FAM117B: variants seen among roughly 807,000 people sequenced by gnomAD.
FAM117B encodes the protein family with sequence similarity 117 member B, also known as protein FAM117B.
Under a neutral mutation model 52.8 loss-of-function variants are expected in FAM117B, and 22 were observed. The ratio of observed to expected loss-of-function variants is 0.42; its 90% CI spans 0.30 to 0.59. FAM117B has a LOEUF of 0.59. Ranked by LOEUF, FAM117B falls within the 20% of genes least tolerant of loss-of-function variation. The pLI, the probability that FAM117B is intolerant of heterozygous loss-of-function variation, is 0.22. For missense variants in FAM117B, 678 were observed against 802.6 expected (o/e 0.84, Z 1.88); for synonymous variants, 309 against 324.1 (o/e 0.95, Z 0.50).
At chr2:202,678,710 C>T (rs1021421211) in intron 1 of FAM117B, among the ~76,000 whole-genome samples, 1 of 152,200 alleles carries the variant, frequency 6.6e-6, no homozygotes, top group Non-Finnish European at 1.5e-5. Flanking sequence ...GCATGCGCCA[C>T]CACGCCCAGC....
At chr2:202,708,357 A>G (rs1301605977) in intron 2 of FAM117B, among the ~76,000 whole-genome samples, 1 of 152,170 alleles carries the variant, frequency 6.6e-6, no homozygotes, top group Non-Finnish European at 1.5e-5. Flanking sequence ...ATTTAGTAGG[A>G]TGTCCTCACA....
At chr2:202,743,313 T>G (rs530678378) in intron 4 of FAM117B, among the ~76,000 whole-genome samples, 46 of 152,038 alleles carry the variant, frequency 3.0e-4, no homozygotes, top group African/African-American at 1.1e-3. Flanking sequence ...AGAAATCATA[T>G]AGAGACTACA....
chr2:202,725,454 G>A (rs933655023), intron 3 of FAM117B, among the ~76,000 whole-genome samples: 1 of 152,028 alleles, frequency 6.6e-6, no homozygotes, highest in Admixed American at 6.6e-5. Context: ...AAGTACCTGG[G>A]ACTGCAGGTG....
intron 2 of FAM117B, among the ~76,000 whole-genome samples, chr2:202,719,651 A>G (rs987149046): frequency 6.6e-6 from 1 of 152,160 alleles, no homozygotes; most frequent in Non-Finnish European, 1.5e-5. Context: ...TGTAAGATTG[A>G]TATAATACTG....
At chr2:202,707,299 C>T (rs754158109) in intron 2 of FAM117B, among the ~76,000 whole-genome samples, 186 of 152,042 alleles carry the variant, frequency 1.2e-3, no homozygotes, top group Non-Finnish European at 1.9e-3. Context: ...ATCCTCCTCC[C>T]TCAGCCTCCC....
chr2:202,659,330 GA>G (rs974967518), intron 1 of FAM117B, among the ~76,000 whole-genome samples: 9 of 151,792 alleles, frequency 5.9e-5, no homozygotes, highest in Non-Finnish European at 1.3e-4. Flanking sequence ...TTTCTTTTGA[GA>G]CAGAATCTCG....
rs34063266 is a variant in FAM117B, at chr2:202,724,051, C to CTTTTT, written c.754-846_754-842dup. Among the ~76,000 whole-genome samples the CTTTTT allele has an allele frequency of 9.6e-4, 86 of 89,776 alleles. 1 individual carries two copies. Among genetic ancestry groups the CTTTTT allele is most frequent in the African/African-American group, 2.3e-3 (49 of 21,532 alleles). The allele number at this position is 89,776 out of a possible 152,430, so 58.9% of individuals were successfully genotyped here. On this transcript the variant is annotated intron_variant, in intron 2 of 7. Coordinates refer to ENST00000392238, the MANE Select transcript of FAM117B (RefSeq NM_173511.4). ...TTTGGTATAACTACTTAAGGTTTAACTTTTTTTTTTTTTTTTTTTTTTTTG... is the reference window on the plus strand; with the variant it reads ...TTTGGTATAACTACTTAAGGTTTAACTTTTTTTTTTTTTTTTTTTTTTTTTTTTTG...
chr2:202,732,789 G>A (rs1293743407), intron 4 of FAM117B, among the ~76,000 whole-genome samples: 2 of 151,372 alleles, frequency 1.3e-5, no homozygotes, highest in African/African-American at 4.9e-5. Flanking sequence ...CCACTGCACT[G>A]CAGCCTGGGC....
chr2:202,715,529 C>T (rs1310688794), intron 2 of FAM117B, among the ~76,000 whole-genome samples: 4 of 151,848 alleles, frequency 2.6e-5, no homozygotes, highest in African/African-American at 9.7e-5. Context: ...CGATGGGCGG[C>T]CGGGCAGAGA....
At chr2:202,684,650 T>G (rs1471471307) in intron 1 of FAM117B, among the ~76,000 whole-genome samples, 1 of 151,984 alleles carries the variant, frequency 6.6e-6, no homozygotes, top group Admixed American at 6.5e-5. Flanking sequence ...TCTGGAGAAA[T>G]TAACATGTAT....
In FAM117B at chr2:202,724,977, G is replaced by C; in HGVS notation, c.814G>C (p.Ala272Pro). Residue 272 changes from alanine (A) to proline (P), a missense_variant, in exon 3 of 8, where the codon GCA becomes CCA. Around this residue, in one of 3 missense-constraint regions of FAM117B, gnomAD observed 583 missense variants for 644.8 expected, o/e 0.90. Coordinates refer to ENST00000392238, the MANE Select transcript of FAM117B (RefSeq NM_173511.4). ...GAAGAAAGGGTCTCACAAGCGCTCA[G>C]CATCTTGGGGCAGTACAGATCAACT... Reference protein sequence around the residue: ...EKKKGSHKRSASWGSTDQLKE... With the variant: ...EKKKGSHKRSPSWGSTDQLKE... 6.2e-7 allele frequency: 1 copy of C among 1,613,350 alleles called. No homozygotes were observed. The highest frequency in any genetic ancestry group is 8.5e-7 in the Non-Finnish European group (1 of 1,179,514).
intron 2 of FAM117B, among the ~76,000 whole-genome samples, chr2:202,724,614 A>G (rs1390450013): frequency 6.6e-6 from 1 of 152,190 alleles, no homozygotes; most frequent in East Asian, 1.9e-4. Context: ...TTAGTTAACT[A>G]TGGTAACTCT....
chr2:202,704,258 A>G (rs1251326343), intron 2 of FAM117B, among the ~76,000 whole-genome samples: 1 of 152,230 alleles, frequency 6.6e-6, no homozygotes, highest in Non-Finnish European at 1.5e-5. Context: ...GTAAGCATTC[A>G]ATAAATGTTC....
chr2:202,635,824 G>C, intron 1 of FAM117B, 36 bp downstream of exon 1: 1 of 1,395,522 alleles, frequency 7.2e-7, no homozygotes, highest in Non-Finnish European at 9.3e-7. Flanking sequence ...GGGGGAGGCG[G>C]CTGCGGGAAG....
intron 4 of FAM117B, among the ~76,000 whole-genome samples, chr2:202,741,080 G>A (rs1691526939): frequency 6.6e-6 from 1 of 152,068 alleles, no homozygotes; most frequent in Admixed American, 6.5e-5. Flanking sequence ...TTGTACTAGT[G>A]GTATTAACTA....
At position 202,751,638 on chromosome 2, in the gene FAM117B, C is replaced by T. The variant is rs1024240711; in HGVS notation, c.961-3900C>T. Among the ~76,000 whole-genome samples, 10 of 151,702 alleles carry T rather than the reference C, an allele frequency of 6.6e-5. No homozygotes were observed. In the South Asian group the frequency reaches 8.4e-4, roughly 13 times the overall value. Reference sequence around the variant, plus strand: ...ATACAAAAATTTAGCTGGGCGTTGTCGCGGGTGCCTGTAATCCCAGCTACT... The same window carrying T: ...ATACAAAAATTTAGCTGGGCGTTGTTGCGGGTGCCTGTAATCCCAGCTACT... On this transcript the variant is annotated intron_variant, in intron 4 of 7. Transcript: ENST00000392238.
chr2:202,717,778 C>T lies in FAM117B; in HGVS notation c.754-7139C>T, dbSNP rs566917518. Among the ~76,000 whole-genome samples the T allele has an allele frequency of 2.6e-5, 4 of 152,292 alleles. No homozygotes were observed. The South Asian group carries it at 8.3e-4, about 32-fold the overall frequency. ...ACCTGAAGCCAGCACAGCTTTTCAC[C>T]CAAGGCCTGCTGTAACCACTATCTG... On this transcript the variant is annotated intron_variant, in intron 2 of 7. Coordinates refer to ENST00000392238, the MANE Select transcript of FAM117B (RefSeq NM_173511.4).
At chr2:202,704,471 T>C (rs1261275518) in intron 2 of FAM117B, among the ~76,000 whole-genome samples, 1 of 152,218 alleles carries the variant, frequency 6.6e-6, no homozygotes, top group Non-Finnish European at 1.5e-5. Flanking sequence ...TTAGCAGTTA[T>C]TTGCCTGTCT....
At chr2:202,750,302 G>A (rs558516446) in intron 4 of FAM117B, among the ~76,000 whole-genome samples, 11 of 152,266 alleles carry the variant, frequency 7.2e-5, no homozygotes, top group Non-Finnish European at 1.2e-4. Context: ...CTTGAGCCCA[G>A]GAGTTTGAGG....
Sources: gnomAD v4.1 joint callset for allele counts (sites outside exome capture counted in the v4.1 genomes callset) on GRCh38, gnomAD v4.1.1 for gene constraint, gnomAD v4.1.1 regional missense constraint, MANE v1.5 for transcripts, NCBI Gene and HGNC (gene_info 2026-07-23, HGNC 2026-07-21) for gene names.